Variants in CARMIL1 observed in about 807,000 individuals in gnomAD.
CARMIL1 encodes capping protein regulator and myosin 1 linker 1.
In CARMIL1, 90 loss-of-function variants were observed where a neutral mutation model predicts 177.1. That is an observed-to-expected ratio of 0.51 (90% CI 0.43 to 0.61). The LOEUF is 0.61. CARMIL1 is among the 20% of genes least tolerant of loss of function. The pLI is 0.00. For missense variants in CARMIL1, 1,380 were observed against 1,667.0 expected, an observed-to-expected ratio of 0.83 and a Z score of 3.00; for synonymous variants, 577 against 606.2, an observed-to-expected ratio of 0.95 and a Z score of 0.71.
At chr6:25,350,043 T>C (rs1025191383) in intron 2 of CARMIL1, among the ~76,000 whole-genome samples, 1 of 152,026 alleles carries the variant, frequency 6.6e-6, no homozygotes, top group African/African-American at 2.4e-5. Context: ...AGCCCCCTCA[T>C]TTGATAAATG....
intron 1 of CARMIL1, 148 bp downstream of exon 1, chr6:25,279,983 C>T: frequency 1.1e-6 from 1 of 948,538 alleles, no homozygotes. Context: ...CTGGGGGTGC[C>T]GGGAAGTTTG....
chr6:25,356,945 G>A (rs146579758), intron 2 of CARMIL1, among the ~76,000 whole-genome samples: 35 of 152,256 alleles, frequency 2.3e-4, no homozygotes, highest in Non-Finnish European at 5.0e-4. Flanking sequence ...TTAAACGGCA[G>A]CCTTTTCTTT....
chr6:25,488,550 C>T lies in CARMIL1; in HGVS notation c.1030C>T (p.Leu344Phe). Residue 344 changes from leucine to phenylalanine, a missense_variant, in exon 13 of 37, where the codon CTC becomes TTC. Transcript: ENST00000329474. ...CGCCTCTACCCTTGTCCACCTCGAC[C>T]TCTCAGGGAACGTCCTTCGTGGAGA... ...LTASTLVHLD[L>F]SGNVLRGDDL... 1 of 1,614,002 alleles carries T rather than the reference C, an allele frequency of 6.2e-7. No individual in the cohort carries two copies. The highest frequency in any genetic ancestry group is 8.5e-7 in the Non-Finnish European group (1 of 1,179,860).
chr6:25,384,677 A>C (rs1288356171), intron 2 of CARMIL1, among the ~76,000 whole-genome samples: 2 of 152,234 alleles, frequency 1.3e-5, no homozygotes, highest in Non-Finnish European at 2.9e-5. Context: ...GAGGACCCAG[A>C]AATATATAGC....
At chr6:25,545,339 G>C (rs1354597495) in intron 26 of CARMIL1, among the ~76,000 whole-genome samples, 1 of 152,106 alleles carries the variant, frequency 6.6e-6, no homozygotes, top group African/African-American at 2.4e-5. Flanking sequence ...TCACCAGAGA[G>C]AAACAGGTCC....
intron 29 of CARMIL1, among the ~76,000 whole-genome samples, chr6:25,561,611 C>A (rs1041449700): frequency 1.6e-4 from 25 of 152,088 alleles, no homozygotes; most frequent in Non-Finnish European, 3.1e-4. Flanking sequence ...TAAATACAGA[C>A]TAAAATTCAG....
At chr6:25,583,067 C>T (rs990572716) in intron 31 of CARMIL1, among the ~76,000 whole-genome samples, 5 of 152,160 alleles carry the variant, frequency 3.3e-5, no homozygotes, top group South Asian at 2.1e-4. Flanking sequence ...ATCATAAAAG[C>T]GGCATTCAAC....
chr6:25,392,521 C>G (rs72830750), intron 2 of CARMIL1, among the ~76,000 whole-genome samples: 20,792 of 152,222 alleles, frequency 0.14, 1,649 homozygotes, highest in East Asian at 0.32. Context: ...AGACCTACTT[C>G]CTTCAGCTTT....
At chr6:25,453,517 A>G (rs1245836263) in intron 8 of CARMIL1, among the ~76,000 whole-genome samples, 1 of 152,214 alleles carries the variant, frequency 6.6e-6, no homozygotes, top group Non-Finnish European at 1.5e-5. Flanking sequence ...GTTACACAGG[A>G]TATTAAAATG....
At chr6:25,579,261 A>AG (rs1812903698) in intron 29 of CARMIL1, among the ~76,000 whole-genome samples, 1 of 149,826 alleles carries the variant, frequency 6.7e-6, no homozygotes, top group Non-Finnish European at 1.5e-5. Flanking sequence ...AGAGTCAGGA[A>AG]AAAAAAAAAA....
At position 25,600,394 on chromosome 6, in the gene CARMIL1, G is replaced by A. The variant is rs1212496981; in HGVS notation, c.3200G>A (p.Ser1067Asn). ...AAGAAAAAGCGAGATTCTCGGAAAA[G>A]TAGTGGCTTTCTCAATTTAATCAAA... ...DEKKKRDSRK[S>N]SGFLNLIKSR... Residue 1067 changes from serine to asparagine, a missense_variant, in exon 33 of 37, where the codon AGT becomes AAT. Ser to Asn is a conservative substitution (Grantham distance 46). Transcript: ENST00000329474. The A allele has an allele frequency of 2.0e-5, 33 of 1,613,886 alleles. No homozygotes were observed. The highest frequency in any genetic ancestry group is 5.3e-5 in the African/African-American group (4 of 74,920).
intron 2 of CARMIL1, among the ~76,000 whole-genome samples, chr6:25,323,486 A>G (rs1003630046): frequency 2.6e-5 from 4 of 151,582 alleles, no homozygotes; most frequent in African/African-American, 9.7e-5. Flanking sequence ...GCACATGCCT[A>G]TAGTCCCAGC....
At chr6:25,346,534 A>G (rs1386776941) in intron 2 of CARMIL1, among the ~76,000 whole-genome samples, 3 of 152,144 alleles carry the variant, frequency 2.0e-5, no homozygotes, top group Non-Finnish European at 4.4e-5. Context: ...TTATTATTCT[A>G]GTATTTAGCA....
At chr6:25,428,557 A>T (rs1562123190) in intron 4 of CARMIL1, among the ~76,000 whole-genome samples, 1 of 152,208 alleles carries the variant, frequency 6.6e-6, no homozygotes, top group Non-Finnish European at 1.5e-5. Context: ...CAGTTTCTAT[A>T]AAAAGCTTGC....
At chr6:25,354,558 A>G (rs975727006) in intron 2 of CARMIL1, among the ~76,000 whole-genome samples, 2 of 152,014 alleles carry the variant, frequency 1.3e-5, no homozygotes, top group East Asian at 3.9e-4. Context: ...TGCTTTCAAC[A>G]TGAGCTTGAA....
intron 2 of CARMIL1, among the ~76,000 whole-genome samples, chr6:25,362,703 A>G (rs1789349986): frequency 6.6e-6 from 1 of 152,002 alleles, no homozygotes; most frequent in South Asian, 2.1e-4. Flanking sequence ...AAAAACCACT[A>G]CACGAGCTGT....
At chr6:25,595,650 T>C (rs181223674) in intron 32 of CARMIL1, among the ~76,000 whole-genome samples, 1 of 152,330 alleles carries the variant, frequency 6.6e-6, no homozygotes, top group African/African-American at 2.4e-5. Context: ...CTTAATACTT[T>C]TCTTTCCATC....
chr6:25,420,564 G>A, intron 3 of CARMIL1, among the ~76,000 whole-genome samples: 1 of 24,972 alleles, frequency 4.0e-5, no homozygotes, highest in East Asian at 6.9e-4. Context: ...TTCCTTCGGT[G>A]ATCCGAAGTA....
chr6:25,516,230 C>T (rs1019198392), intron 21 of CARMIL1, among the ~76,000 whole-genome samples: 5 of 152,164 alleles, frequency 3.3e-5, no homozygotes, highest in African/African-American at 1.2e-4. Flanking sequence ...TCTTAACCCC[C>T]TTGCTCATGC....
Sources: gnomAD v4.1 joint callset for allele counts (sites outside exome capture counted in the v4.1 genomes callset) on GRCh38, gnomAD v4.1.1 for gene constraint, MANE v1.5 for transcripts, NCBI Gene and HGNC (gene_info 2026-07-23, HGNC 2026-07-21) for gene names.